The following LCA5 variants were observed in gnomAD, a reference collection of about 807,000 sequenced individuals.
LCA5 encodes lebercilin.
LCA5 carries 37 observed loss-of-function variants against 53.0 expected under a neutral mutation model. The observed-to-expected ratio is 0.70, with a 90% CI of 0.54 to 0.92. The LOEUF (loss-of-function observed/expected upper bound fraction) is 0.92. Ranked by LOEUF, LCA5 falls within the 40% of genes least tolerant of loss-of-function variation. The probability of loss-of-function intolerance (pLI) is 0.00; values close to 1 mark genes in which losing one functional copy is unlikely to be tolerated. For missense variants in LCA5, 806 were observed against 790.5 expected (o/e 1.02, Z -0.23); for synonymous variants, 303 against 282.9 (o/e 1.07, Z -0.71).
At chr6:79,520,650 T>C (rs190751595) in intron 1 of LCA5, among the ~76,000 whole-genome samples, 119 of 152,314 alleles carry the variant, frequency 7.8e-4, no homozygotes, top group Middle Eastern at 3.4e-3. Context: ...CTATTTATTG[T>C]AGCACTATTG....
intron 3 of LCA5, among the ~76,000 whole-genome samples, chr6:79,502,790 G>A (rs1770176574): frequency 6.6e-6 from 1 of 152,056 alleles, no homozygotes; most frequent in African/African-American, 2.4e-5. Context: ...TACTAAAATG[G>A]TAACAAATTA....
At chr6:79,530,509 G>A (rs1241606567) in intron 1 of LCA5, among the ~76,000 whole-genome samples, 2 of 152,092 alleles carry the variant, frequency 1.3e-5, no homozygotes, top group African/African-American at 4.8e-5. Flanking sequence ...GAACTTAAAA[G>A]TTTAAGAAAG....
At position 79,513,501 on chromosome 6, in the gene LCA5, T is replaced by C; in HGVS notation, c.431A>G (p.Glu144Gly). The C allele has an allele frequency of 6.2e-7, 1 of 1,614,008 alleles. No individual in the cohort carries two copies. Among genetic ancestry groups the C allele is most frequent in the Non-Finnish European group, 8.5e-7 (1 of 1,179,920 alleles). Residue 144 changes from glutamate (E) to glycine (G), a missense_variant, in exon 3 of 8, where the codon GAG becomes GGG. Glu to Gly is a moderately conservative substitution (Grantham distance 98). Transcript: ENST00000369846. ...ATCTTCAAACTTATTCAGGGCTTTC[T>C]CCTGTCTGTACTGAAGCCTTTTCAA... Reference protein sequence around the residue: ...KSLKRLQYRQEKALNKFEDAE... With the variant: ...KSLKRLQYRQGKALNKFEDAE...
intron 3 of LCA5, among the ~76,000 whole-genome samples, chr6:79,497,910 T>C (rs1013736123): frequency 2.0e-5 from 3 of 147,850 alleles, no homozygotes; most frequent in African/African-American, 7.6e-5. Context: ...GAGGTGGAGG[T>C]TGCAGTGAGC....
intron 3 of LCA5, among the ~76,000 whole-genome samples, chr6:79,505,247 A>G (rs1394878511): frequency 6.6e-6 from 1 of 152,180 alleles, no homozygotes; most frequent in Non-Finnish European, 1.5e-5. Flanking sequence ...TTTACACTTC[A>G]ATCAAAAATA....
chr6:79,521,293 A>G (rs1014848680), intron 1 of LCA5, among the ~76,000 whole-genome samples: 2 of 152,202 alleles, frequency 1.3e-5, no homozygotes, highest in African/African-American at 4.8e-5. Context: ...ATTCCCATAA[A>G]TCAAAATAAA....
intron 1 of LCA5, among the ~76,000 whole-genome samples, chr6:79,526,366 A>C (rs1392381561): frequency 6.6e-6 from 1 of 152,074 alleles, no homozygotes; most frequent in East Asian, 1.9e-4. Flanking sequence ...AACACGGTGA[A>C]ACCCCGTCTC....
At chr6:79,503,214 A>T (rs1012386016) in intron 3 of LCA5, among the ~76,000 whole-genome samples, 3 of 152,198 alleles carry the variant, frequency 2.0e-5, no homozygotes, top group Non-Finnish European at 4.4e-5. Flanking sequence ...ACCTAGAAGA[A>T]GGCAAATAAC....
At chr6:79,491,801 T>C in intron 5 of LCA5, 71 bp from the exon 6 acceptor site, 2 of 1,319,726 alleles carry the variant, frequency 1.5e-6, no homozygotes, top group Non-Finnish European at 2.2e-6. Flanking sequence ...TCAGCTGGCA[T>C]GTATATATAT....
intron 3 of LCA5, among the ~76,000 whole-genome samples, chr6:79,498,698 A>C (rs1209530338): frequency 6.6e-6 from 1 of 152,108 alleles, no homozygotes; most frequent in Non-Finnish European, 1.5e-5. Flanking sequence ...ATACTATTAA[A>C]ATATTAAGAA....
At chr6:79,501,688 T>C (rs969257910) in intron 3 of LCA5, among the ~76,000 whole-genome samples, 1 of 150,696 alleles carries the variant, frequency 6.6e-6, no homozygotes, top group African/African-American at 2.4e-5. Flanking sequence ...ATATAGTATA[T>C]TGTATATTCT....
intron 2 of LCA5, among the ~76,000 whole-genome samples, chr6:79,515,199 AAAG>A: frequency 6.6e-6 from 1 of 152,212 alleles, no homozygotes; most frequent in South Asian, 2.1e-4. Flanking sequence ...CAGCCCATAG[AAAG>A]AAGACAATAT....
chr6:79,522,436 T>C (rs1176945484), intron 1 of LCA5, among the ~76,000 whole-genome samples: 1 of 151,860 alleles, frequency 6.6e-6, no homozygotes, highest in Non-Finnish European at 1.5e-5. Flanking sequence ...TAAATGTAAA[T>C]GACACTGAAA....
At chr6:79,498,546 A>G (rs990818896) in intron 3 of LCA5, among the ~76,000 whole-genome samples, 1 of 152,184 alleles carries the variant, frequency 6.6e-6, no homozygotes, top group African/African-American at 2.4e-5. Flanking sequence ...GAGTGAAGAT[A>G]AAATACATTC....
chr6:79,507,137 T>C (rs1377759696), intron 3 of LCA5, among the ~76,000 whole-genome samples: 1 of 152,092 alleles, frequency 6.6e-6, no homozygotes, highest in Non-Finnish European at 1.5e-5. Context: ...TACTTATCAA[T>C]CACAACATAA....
chr6:79,502,352 C>T (rs924327917), intron 3 of LCA5, among the ~76,000 whole-genome samples: 3 of 152,204 alleles, frequency 2.0e-5, no homozygotes, highest in Non-Finnish European at 4.4e-5. Context: ...AATAGTTATG[C>T]TTCCTCTGTG....
intron 6 of LCA5, among the ~76,000 whole-genome samples, chr6:79,490,571 T>C (rs1317668821): frequency 2.6e-5 from 4 of 152,136 alleles, no homozygotes; most frequent in African/African-American, 9.6e-5. Flanking sequence ...ATTCCTCACT[T>C]TGTGATTTCA....
intron 1 of LCA5, among the ~76,000 whole-genome samples, chr6:79,534,133 C>T (rs9443680): frequency 0.018 from 2,772 of 150,098 alleles, 81 homozygotes; most frequent in African/African-American, 0.064. Context: ...AATAACATGT[C>T]CCCACGTATT....
At chr6:79,507,129 C>G (rs192077983) in intron 3 of LCA5, among the ~76,000 whole-genome samples, 143 of 152,270 alleles carry the variant, frequency 9.4e-4, no homozygotes, top group African/African-American at 3.3e-3. Context: ...TTTCTTCATA[C>G]TTATCAATCA....
Sources: gnomAD v4.1 joint callset for allele counts (sites outside exome capture counted in the v4.1 genomes callset) on GRCh38, gnomAD v4.1.1 for gene constraint, MANE v1.5 for transcripts, NCBI Gene and HGNC (gene_info 2026-07-23, HGNC 2026-07-21) for gene names.